Variants in OR1J2 observed in about 807,000 individuals in gnomAD.
OR1J2 encodes olfactory receptor 1J2.
For missense variants in OR1J2, 304 were observed against 246.1 expected (o/e 1.24, Z -1.57); for synonymous variants, 142 against 99.7 (o/e 1.42, Z -2.52).
chr9:122,460,041 G>A, the OR1J2 span, among the ~76,000 whole-genome samples: 1 of 152,012 alleles, frequency 6.6e-6, no homozygotes, highest in South Asian at 2.1e-4. Flanking sequence ...GACAACATAC[G>A]ATGTTTGGTT....
chr9:122,550,787 A>G, the OR1J2 span, among the ~76,000 whole-genome samples: 1 of 152,140 alleles, frequency 6.6e-6, no homozygotes, highest in African/African-American at 2.4e-5. Context: ...ACCCATAGCC[A>G]GCATAATACT....
chr9:122,545,716 T>C, the OR1J2 span, among the ~76,000 whole-genome samples: 1 of 152,178 alleles, frequency 6.6e-6, no homozygotes, highest in Admixed American at 6.5e-5. Context: ...GCTGAACATA[T>C]GCAGAAACTG....
At chr9:122,548,744 T>TCCCCTCTACCCCCA in the OR1J2 span, among the ~76,000 whole-genome samples, 2 of 61,430 alleles carry the variant, frequency 3.3e-5, no homozygotes, top group Non-Finnish European at 5.8e-5. Flanking sequence ...CCCTCCCCCC[T>TCCCCTCTACCCCCA]CCCCTCTACC....
the OR1J2 span, among the ~76,000 whole-genome samples, chr9:122,576,253 G>A: frequency 2.7e-4 from 41 of 151,568 alleles, no homozygotes; most frequent in Admixed American, 7.2e-4. Flanking sequence ...ACAGAGTCTT[G>A]CTCTGTCACC....
the OR1J2 span, among the ~76,000 whole-genome samples, chr9:122,479,857 G>T: frequency 6.6e-6 from 1 of 152,086 alleles, no homozygotes; most frequent in Non-Finnish European, 1.5e-5. Context: ...AAATGTTAGA[G>T]CTATTTAAAT....
At chr9:122,554,126 TAA>T in the OR1J2 span, 1 of 1,613,244 alleles carries the variant, frequency 6.2e-7, no homozygotes, top group Non-Finnish European at 8.5e-7. Flanking sequence ...AGGCTTTGGG[TAA>T]ACTTTTTGTC....
the OR1J2 span, among the ~76,000 whole-genome samples, chr9:122,530,045 C>G: frequency 5.3e-5 from 8 of 152,166 alleles, no homozygotes; most frequent in African/African-American, 1.9e-4. Context: ...CAGCTGGAAG[C>G]AGAAGTCAGG....
chr9:122,515,652 C>T (rs898335497), downstream of OR1J2, among the ~76,000 whole-genome samples: 3 of 152,124 alleles, frequency 2.0e-5, 1 homozygote, highest in South Asian at 6.2e-4. Context: ...GTTAGAGAGC[C>T]CTCTCTAATA....
At chr9:122,562,235 C>CG in the OR1J2 span, among the ~76,000 whole-genome samples, 4 of 152,226 alleles carry the variant, frequency 2.6e-5, no homozygotes, top group Non-Finnish European at 5.9e-5. Flanking sequence ...GCCCTTCCCC[C>CG]GCCATGGGAG....
chr9:122,526,412 G>A, the OR1J2 span: 16 of 1,513,826 alleles, frequency 1.1e-5, no homozygotes, highest in African/African-American at 2.0e-4. Flanking sequence ...CCCCCTTCAT[G>A]TCCTTGTTCC....
chr9:122,527,016 G>A, the OR1J2 span: 9 of 1,614,022 alleles, frequency 5.6e-6, no homozygotes, highest in African/African-American at 2.7e-5. Context: ...GAGGCAACCC[G>A]TATAGGAGAT....
At chr9:122,483,519 C>T in the OR1J2 span, among the ~76,000 whole-genome samples, 4 of 152,072 alleles carry the variant, frequency 2.6e-5, no homozygotes, top group African/African-American at 7.2e-5. Context: ...TCAATTAAAA[C>T]GTGGAACAAC....
the OR1J2 span, among the ~76,000 whole-genome samples, chr9:122,526,067 G>T: frequency 6.6e-6 from 1 of 152,116 alleles, no homozygotes; most frequent in Non-Finnish European, 1.5e-5. Context: ...TTCTGAGTTG[G>T]GGGAGGAATG....
chr9:122,490,783 G>C, the OR1J2 span, among the ~76,000 whole-genome samples: 2 of 152,170 alleles, frequency 1.3e-5, no homozygotes, highest in African/African-American at 4.8e-5. Flanking sequence ...GACCTTAGAA[G>C]CCATATTGAA....
chr9:122,478,068 A>C, the OR1J2 span: 2 of 622,046 alleles, frequency 3.2e-6, no homozygotes, highest in Non-Finnish European at 5.4e-6. Flanking sequence ...TACATTTGCC[A>C]CATATTTTGC....
chr9:122,496,410 G>A, the OR1J2 span, among the ~76,000 whole-genome samples: 1,505 of 152,298 alleles, frequency 9.9e-3, 23 homozygotes, highest in African/African-American at 0.034. Context: ...CGCGGCTTCT[G>A]TGGGAGTCGC....
the OR1J2 span, among the ~76,000 whole-genome samples, chr9:122,496,389 G>A: frequency 2.0e-5 from 3 of 152,164 alleles, no homozygotes; most frequent in Non-Finnish European, 2.9e-5. Context: ...CTGTCCTTGG[G>A]TGAGGCTTGC....
chr9:122,529,701 G>A, the OR1J2 span, among the ~76,000 whole-genome samples: 1 of 152,184 alleles, frequency 6.6e-6, no homozygotes, highest in Non-Finnish European at 1.5e-5. Flanking sequence ...TATCAATGGG[G>A]TTCTTCCAGA....
the OR1J2 span, among the ~76,000 whole-genome samples, chr9:122,501,714 C>A: frequency 6.6e-6 from 1 of 151,946 alleles, no homozygotes; most frequent in Non-Finnish European, 1.5e-5. Flanking sequence ...TGTTTCCTGA[C>A]AAATAGCCAA....
Sources: allele counts gnomAD v4.1 joint callset (sites outside exome capture counted in the v4.1 genomes callset), GRCh38; gene constraint gnomAD v4.1.1; transcripts MANE v1.5; gene names NCBI Gene and HGNC (gene_info 2026-07-23, HGNC 2026-07-21).